Variants in AHCTF1 observed in about 807,000 individuals in gnomAD.
AHCTF1 encodes the protein protein ELYS.
In AHCTF1, 24 loss-of-function variants were observed where a neutral mutation model predicts 248.4. The observed-to-expected ratio is 0.10, with a 90% CI of 0.07 to 0.14. The LOEUF (loss-of-function observed/expected upper bound fraction) is 0.14, where lower values mean the gene tolerates loss of function less well. AHCTF1 is among the 10% of genes least tolerant of loss of function. The pLI is 1.00. For missense variants in AHCTF1, 2,206 were observed against 2,636.2 expected (o/e 0.84, Z 3.57); for synonymous variants, 786 against 929.8 (o/e 0.85, Z 2.81).
intron 24 of AHCTF1, among the ~76,000 whole-genome samples, chr1:246,875,413 G>A (rs988966797): frequency 9.2e-5 from 14 of 152,224 alleles, no homozygotes; most frequent in Non-Finnish European, 1.9e-4. Flanking sequence ...TTCTTGTAGA[G>A]TAGTTTGTTA....
intron 21 of AHCTF1, among the ~76,000 whole-genome samples, chr1:246,881,890 G>A (rs912246357): frequency 2.0e-5 from 3 of 150,120 alleles, no homozygotes; most frequent in Non-Finnish European, 4.4e-5. Flanking sequence ...GGTCTCCTAC[G>A]TTGCCCGGCC....
rs1209762450 is a variant in AHCTF1, at chr1:246,851,064, C to T, written c.4942G>A (p.Asp1648Asn). ...GTGTCTACTTTTTGGGACTTTTGGT[C>T]ACTAGTTACGGCAGATGGCAAATTT... ...IANLPSAVTS[D>N]QKSQKVDTLP... The change falls in exon 33 of 36, where the codon GAC becomes AAC. Residue 1648 changes from aspartate (D) to asparagine (N), a missense_variant. By Grantham distance (23) the Asp-to-Asn change is conservative (BLOSUM62 1). Coordinates refer to ENST00000648844, the MANE Select transcript of AHCTF1 (RefSeq NM_001323342.2). The T allele has an allele frequency of 6.2e-7, 1 of 1,613,838 alleles. No homozygotes were observed. Among genetic ancestry groups the T allele is most frequent in the South Asian group, 1.1e-5 (1 of 91,064 alleles).
rs1393798253 is a variant in AHCTF1 at position 246,888,197 on chromosome 1, C to CAGT, written c.2302_2304dup (p.Thr768dup). On this transcript the variant is annotated inframe_insertion, in exon 19 of 36. Coordinates refer to ENST00000648844, the MANE Select transcript of AHCTF1 (RefSeq NM_001323342.2). ...GATACAATAGAGTGTTTGGCTGCTTCAGTAACGCCGTCTAATAGGTACATA... is the reference window on the plus strand; with the variant it reads ...GATACAATAGAGTGTTTGGCTGCTTCAGTAGTAACGCCGTCTAATAGGTACATA... 1.1e-5 allele frequency: 17 copies of CAGT among 1,613,950 alleles called. No homozygotes were observed. The highest frequency in any genetic ancestry group is 1.4e-5 in the Non-Finnish European group (17 of 1,179,968).
At chr1:246,922,400 T>C (rs1195511918) in intron 1 of AHCTF1, among the ~76,000 whole-genome samples, 1 of 151,286 alleles carries the variant, frequency 6.6e-6, no homozygotes, top group Non-Finnish European at 1.5e-5. Context: ...GCACACTGTA[T>C]ATCAACAGTA....
In AHCTF1 at chr1:246,860,028, G is replaced by C. The variant is rs536470162; in HGVS notation, c.4132+871C>G. Among the ~76,000 whole-genome samples the C allele has an allele frequency of 3.3e-5, 5 of 152,214 alleles. 1 individual carries two copies. Among genetic ancestry groups the C allele is most frequent in the Middle Eastern group, 6.8e-3 (2 of 294 alleles). On this transcript the variant is annotated intron_variant, in intron 29 of 35. Transcript: ENST00000648844. The stretch of plus-strand genomic sequence containing the variant: ...TGTAATCCCAGCACTCTGGGAGTCC[G>C]AGGCAGGCAGATCACGAGGTCAGGA...
intron 1 of AHCTF1, chr1:246,931,115 C>T (rs1375873283): frequency 4.5e-6 from 7 of 1,548,712 alleles, no homozygotes; most frequent in African/African-American, 1.4e-5. Context: ...TTCTTCCCCG[C>T]CAGGACTACT....
chr1:246,861,050 C>T lies in AHCTF1; in HGVS notation c.3981G>A (p.Pro1327=), dbSNP rs144994178. The T allele has an allele frequency of 9.9e-5, 160 of 1,613,954 alleles. No individual in the cohort carries two copies. Among genetic ancestry groups the T allele is most frequent in the South Asian group, 3.8e-4 (35 of 91,064 alleles). Reference sequence around the variant, plus strand: ...TGAAAACAGTCTCTTCAAGGTCTTCCGGTGACGGTGCATCCTGATACTCTA... The same window carrying T: ...TGAAAACAGTCTCTTCAAGGTCTTCTGGTGACGGTGCATCCTGATACTCTA... ...TTLEYQDAPS[P]EDLEETVFTA... is the part of the protein sequence containing the mutation. The change falls in exon 29 of 36, where the codon CCG becomes CCA. Residue 1327 remains proline (P), a synonymous_variant. Coordinates refer to ENST00000648844, the MANE Select transcript of AHCTF1 (RefSeq NM_001323342.2).
chr1:246,931,413 C>G, intron 1 of AHCTF1, 165 bp downstream of exon 1: 2 of 1,472,656 alleles, frequency 1.4e-6, no homozygotes, highest in South Asian at 2.7e-5. Flanking sequence ...CCGCTCGCCC[C>G]CTCGAGCCCC....
chr1:246,896,590 G>A (rs910536716), intron 12 of AHCTF1, among the ~76,000 whole-genome samples: 3 of 152,130 alleles, frequency 2.0e-5, no homozygotes, highest in East Asian at 1.9e-4. Context: ...AGGAGTGACT[G>A]TTTATGGGCA....
chr1:246,860,550 ACT>A (rs1361615342), intron 29 of AHCTF1, among the ~76,000 whole-genome samples: 3 of 152,076 alleles, frequency 2.0e-5, no homozygotes, highest in Non-Finnish European at 4.4e-5. Flanking sequence ...ATAATATTTA[ACT>A]CTCATGCTTT....
At chr1:246,889,786 GAAC>G (rs1664094272) in intron 17 of AHCTF1, among the ~76,000 whole-genome samples, 177 bp downstream of exon 17, 1 of 152,084 alleles carries the variant, frequency 6.6e-6, no homozygotes, top group Non-Finnish European at 1.5e-5. Context: ...CATTTCAAAG[GAAC>G]TAAGTAGGTT....
intron 24 of AHCTF1, among the ~76,000 whole-genome samples, chr1:246,874,825 A>G (rs1662827405): frequency 6.6e-6 from 1 of 152,174 alleles, no homozygotes; most frequent in African/African-American, 2.4e-5. Context: ...AAGTTACAAA[A>G]AAACCTGACC....
intron 27 of AHCTF1, among the ~76,000 whole-genome samples, chr1:246,862,533 T>C (rs907592672): frequency 6.6e-6 from 1 of 151,352 alleles, no homozygotes; most frequent in African/African-American, 2.4e-5. Flanking sequence ...TGAGTCACAA[T>C]AGTGGTTATA....
intron 1 of AHCTF1, among the ~76,000 whole-genome samples, chr1:246,924,000 T>C (rs1420069999): frequency 6.6e-6 from 1 of 151,450 alleles, no homozygotes; most frequent in Non-Finnish European, 1.5e-5. Flanking sequence ...GCGTAGAATA[T>C]AAATCTGGCA....
At chr1:246,856,341 T>G (rs111800702) in intron 30 of AHCTF1, among the ~76,000 whole-genome samples, 1 of 152,224 alleles carries the variant, frequency 6.6e-6, no homozygotes, top group Non-Finnish European at 1.5e-5. Context: ...AATCTGACCT[T>G]TCTCAAAACC....
At chr1:246,930,365 G>A (rs769739683) in intron 1 of AHCTF1, among the ~76,000 whole-genome samples, 2 of 151,958 alleles carry the variant, frequency 1.3e-5, no homozygotes, top group African/African-American at 2.4e-5. Context: ...TTGCAAACTC[G>A]TGACAGCTTG....
chr1:246,872,318 C>A (rs541163326), intron 24 of AHCTF1, among the ~76,000 whole-genome samples: 3 of 152,228 alleles, frequency 2.0e-5, no homozygotes, highest in African/African-American at 7.2e-5. Context: ...CAGGAAAAGA[C>A]TGACAAGAAG....
rs144046700 is a variant in AHCTF1, at chr1:246,888,210, T to C, written c.2292A>G (p.Leu764=). Residue 764 remains leucine (L), a synonymous_variant, in exon 19 of 36, where the codon TTA becomes TTG. Transcript: ENST00000648844. Reference sequence around the variant, plus strand: ...GTTTGGCTGCTTCAGTAACGCCGTCTAATAGGTACATATCAAGTACTGCCT... The same window carrying C: ...GTTTGGCTGCTTCAGTAACGCCGTCCAATAGGTACATATCAAGTACTGCCT... The part of the protein sequence containing the change: ...SLHAVLDMYL[L]DGVTEAAKHS... The C allele has an allele frequency of 7.3e-5, 118 of 1,614,004 alleles. No homozygotes were observed. Among genetic ancestry groups the C allele is most frequent in the Non-Finnish European group, 5.8e-5 (69 of 1,179,986 alleles).
At chr1:246,872,718 AG>A (rs1662685000) in intron 24 of AHCTF1, among the ~76,000 whole-genome samples, 3 of 152,208 alleles carry the variant, frequency 2.0e-5, no homozygotes, top group African/African-American at 7.2e-5. Context: ...GGGTGCTGAA[AG>A]GGAATGGGAC....
Sources: gnomAD v4.1 joint callset for allele counts (sites outside exome capture counted in the v4.1 genomes callset) on GRCh38, gnomAD v4.1.1 for gene constraint, MANE v1.5 for transcripts, NCBI Gene and HGNC (gene_info 2026-07-23, HGNC 2026-07-21) for gene names.